MYO3B: variants seen among roughly 807,000 people sequenced by gnomAD.
MYO3B encodes the protein myosin IIIB.
MYO3B carries 156 observed loss-of-function variants against 174.6 expected under a neutral mutation model. The observed-to-expected ratio is 0.89, with a 90% CI of 0.78 to 1.02. MYO3B has a LOEUF of 1.02. Ranked by LOEUF, MYO3B falls within the 50% of genes least tolerant of loss-of-function variation. MYO3B has a pLI of 0.00. For synonymous variants in MYO3B, 563 were observed against 569.1 expected (o/e 0.99, Z 0.15); for missense variants, 1,632 against 1,639.4 (o/e 1.00, Z 0.08).
At chr2:170,434,547 A>T (rs924653443) in intron 22 of MYO3B, among the ~76,000 whole-genome samples, 2 of 152,148 alleles carry the variant, frequency 1.3e-5, no homozygotes, top group East Asian at 3.9e-4. Context: ...TGGCTAATGT[A>T]AAGAGAATGA....
At chr2:170,649,362 T>TATTA (rs1559202587) in intron 32 of MYO3B, among the ~76,000 whole-genome samples, 4,617 of 48,808 alleles carry the variant, frequency 0.095, 653 homozygotes, top group Non-Finnish European at 0.13. Flanking sequence ...ATATAATATA[T>TATTA]TATATAAAAA....
chr2:170,411,089 G>C (rs1225934811), intron 22 of MYO3B, among the ~76,000 whole-genome samples: 1 of 152,150 alleles, frequency 6.6e-6, no homozygotes, highest in Admixed American at 6.5e-5. Flanking sequence ...AAGGATTCCT[G>C]ACAGTTAACT....
intron 23 of MYO3B, among the ~76,000 whole-genome samples, chr2:170,454,323 C>T (rs1683784773): frequency 2.0e-5 from 3 of 152,132 alleles, no homozygotes; most frequent in Admixed American, 1.3e-4. Flanking sequence ...CTAGAATACC[C>T]ACCAAATCAG....
At position 170,519,485 on chromosome 2, in the gene MYO3B, A is replaced by G; in HGVS notation, c.3520A>G (p.Asn1174Asp). 6.2e-7 allele frequency: 1 copy of G among 1,614,032 alleles called. No homozygotes were observed. Among genetic ancestry groups the G allele is most frequent in the Non-Finnish European group, 8.5e-7 (1 of 1,179,994 alleles). The stretch of plus-strand genomic sequence containing the variant: ...TAGGAGCCATTCACAAGCAGAATCC[A>G]ACAATGGCCGTACACAGACTTCAAG... Reference protein sequence around the residue: ...HRRSHSQAESNNGRTQTSSNS... With the variant: ...HRRSHSQAESDNGRTQTSSNS... The change falls in exon 30 of 35, where the codon AAC (asparagine) becomes GAC (aspartate). Residue 1174 changes from asparagine (N) to aspartate (D), a missense_variant. Coordinates refer to ENST00000408978, the MANE Select transcript of MYO3B (RefSeq NM_138995.5).
intron 14 of MYO3B, among the ~76,000 whole-genome samples, 162 bp downstream of exon 14, chr2:170,387,470 A>G (rs1168496217): frequency 6.6e-6 from 1 of 152,166 alleles, no homozygotes; most frequent in African/African-American, 2.4e-5. Context: ...TTTTTGACCT[A>G]AAAGAAATTA....
intron 1 of MYO3B, among the ~76,000 whole-genome samples, chr2:170,185,006 C>T (rs777660627): frequency 6.6e-6 from 1 of 151,940 alleles, no homozygotes; most frequent in Non-Finnish European, 1.5e-5. Context: ...GTCATTTGTT[C>T]ATTTTAAAAT....
chr2:170,372,118 CAAA>C (rs769243145), intron 9 of MYO3B, among the ~76,000 whole-genome samples: 29 of 22,198 alleles, frequency 1.3e-3, no homozygotes, highest in African/African-American at 3.3e-3. Context: ...GACCCTGTCT[CAAA>C]AAAAAAAAAA....
intron 7 of MYO3B, among the ~76,000 whole-genome samples, chr2:170,236,977 T>C (rs956151728): frequency 1.3e-5 from 2 of 152,262 alleles, no homozygotes; most frequent in African/African-American, 4.8e-5. Flanking sequence ...TTTGCATTTC[T>C]GATTAGGTCT....
Position 170,489,854 on chromosome 2 carries a change from T to G in MYO3B, c.3015-8738T>G, listed in dbSNP as rs149285279. Among the ~76,000 whole-genome samples the G allele has an allele frequency of 7.3e-3, 1,117 of 152,238 alleles. 10 individuals are homozygous for G. Among genetic ancestry groups the G allele is most frequent in the African/African-American group, 0.026 (1,060 of 41,528 alleles). The stretch of plus-strand genomic sequence containing the variant: ...ACTTAAATAATAACAATATTATTTC[T>G]TCTGACCTATAAACATGATATCTCT... On this transcript the variant is annotated intron_variant, in intron 25 of 34. Transcript: ENST00000408978.
chr2:170,481,160 AAC>A (rs781678380), intron 25 of MYO3B, among the ~76,000 whole-genome samples: 10 of 152,200 alleles, frequency 6.6e-5, no homozygotes, highest in Non-Finnish European at 1.2e-4. Flanking sequence ...GGAATAAGAA[AAC>A]ACAAATCCTC....
chr2:170,496,088 GCATCATCTGGT>G (rs1686840703), intron 25 of MYO3B, among the ~76,000 whole-genome samples: 1 of 152,188 alleles, frequency 6.6e-6, no homozygotes, highest in Non-Finnish European at 1.5e-5. Context: ...AAATGATCTA[GCATCATCTGGT>G]CTTGGCTACT....
chr2:170,339,901 C>G (rs963699042), intron 8 of MYO3B, among the ~76,000 whole-genome samples: 1 of 152,090 alleles, frequency 6.6e-6, no homozygotes, highest in Non-Finnish European at 1.5e-5. Context: ...TGTGTTTTGT[C>G]ACCTCTATAA....
intron 3 of MYO3B, among the ~76,000 whole-genome samples, 172 bp downstream of exon 3, chr2:170,200,456 C>T (rs945003953): frequency 6.6e-6 from 1 of 152,150 alleles, no homozygotes; most frequent in African/African-American, 2.4e-5. Flanking sequence ...TACAGGTAGG[C>T]CTTATGCTAA....
At chr2:170,589,311 T>C (rs972203015) in intron 32 of MYO3B, among the ~76,000 whole-genome samples, 2 of 152,192 alleles carry the variant, frequency 1.3e-5, no homozygotes, top group Non-Finnish European at 2.9e-5. Context: ...TAAACTACTA[T>C]GGACATTATT....
At chr2:170,407,018 A>C (rs1288436006) in intron 21 of MYO3B, among the ~76,000 whole-genome samples, 1 of 152,204 alleles carries the variant, frequency 6.6e-6, no homozygotes, top group East Asian at 1.9e-4. Context: ...TGGGCACATT[A>C]CTCAGCCTCT....
chr2:170,599,102 T>G (rs1694327141), intron 32 of MYO3B, among the ~76,000 whole-genome samples: 1 of 152,182 alleles, frequency 6.6e-6, no homozygotes, highest in Admixed American at 6.5e-5. Flanking sequence ...CTGTTCATTT[T>G]CTTCAGTGTT....
Position 170,315,315 on chromosome 2 carries a change from T to A in MYO3B, c.750-20070T>A, listed in dbSNP as rs1012134483. On this transcript the variant is annotated intron_variant, in intron 7 of 34. Coordinates refer to ENST00000408978, the MANE Select transcript of MYO3B (RefSeq NM_138995.5). ...GAAGAGACATACAATTTACTTATAA[T>A]TCTTTTTTTTTTTTTTGAGGCAGTC... 3.8e-4 allele frequency among the ~76,000 whole-genome samples: 14 copies of A among 37,190 alleles called. No homozygotes were observed. The Admixed American group carries it at 5.1e-3, about 13-fold the overall frequency. The allele number at this position is 37,190 out of a possible 152,430, so 24.4% of individuals were successfully genotyped here.
At chr2:170,581,675 A>G (rs145920870) in intron 32 of MYO3B, among the ~76,000 whole-genome samples, 18 of 152,206 alleles carry the variant, frequency 1.2e-4, no homozygotes, top group African/African-American at 4.1e-4. Context: ...CTATATGGAT[A>G]ACTAATAGGT....
intron 22 of MYO3B, among the ~76,000 whole-genome samples, chr2:170,429,284 T>G (rs886567270): frequency 3.9e-5 from 6 of 152,240 alleles, no homozygotes; most frequent in African/African-American, 1.2e-4. Context: ...GAGATTTTAC[T>G]TAAGACTTTG....
Sources: gnomAD v4.1 joint callset for allele counts (sites outside exome capture counted in the v4.1 genomes callset) on GRCh38, gnomAD v4.1.1 for gene constraint, MANE v1.5 for transcripts, NCBI Gene and HGNC (gene_info 2026-07-23, HGNC 2026-07-21) for gene names.